Variants in IQCE observed in about 807,000 individuals in gnomAD.
IQCE encodes the protein IQ domain-containing protein E.
A neutral mutation model predicts 96.0 loss-of-function variants in IQCE; 115 were observed. That is an observed-to-expected ratio of 1.20 (90% CI 1.03 to 1.40). The LOEUF (loss-of-function observed/expected upper bound fraction) is 1.40. IQCE is among the 40% of genes most tolerant of loss of function. IQCE has a pLI of 0.00. For synonymous variants in IQCE, 412 were observed against 371.2 expected, an observed-to-expected ratio of 1.11 and a Z score of -1.26; for missense variants, 1,041 against 909.1, an observed-to-expected ratio of 1.15 and a Z score of -1.87.
chr7:2,563,658 GC>G (rs1781140343), intron 1 of IQCE, among the ~76,000 whole-genome samples: 1 of 151,966 alleles, frequency 6.6e-6, no homozygotes, highest in South Asian at 2.1e-4. Flanking sequence ...ACTTTCGGAG[GC>G]CGAGGCGGGC....
At chr7:2,596,368 A>G (rs573374612) in intron 16 of IQCE, among the ~76,000 whole-genome samples, 3 of 151,854 alleles carry the variant, frequency 2.0e-5, no homozygotes, top group Admixed American at 6.6e-5. Flanking sequence ...CTATTGAAAT[A>G]CAGCCTTTTC....
chr7:2,581,402 C>T (rs1782653428), intron 8 of IQCE, among the ~76,000 whole-genome samples: 1 of 151,966 alleles, frequency 6.6e-6, no homozygotes, highest in Non-Finnish European at 1.5e-5. Flanking sequence ...GATGGGGTTT[C>T]ACCATGTTGG....
intron 1 of IQCE, among the ~76,000 whole-genome samples, chr7:2,562,845 A>T: frequency 6.8e-6 from 1 of 146,294 alleles, no homozygotes; most frequent in Admixed American, 6.8e-5. Context: ...TTGCCTTGAG[A>T]TCTTTCTTTC....
At chr7:2,588,039 G>A (rs961881560) in intron 13 of IQCE, among the ~76,000 whole-genome samples, 162 bp downstream of exon 13, 5 of 152,238 alleles carry the variant, frequency 3.3e-5, no homozygotes, top group African/African-American at 4.8e-5. Context: ...TCTAGACAAC[G>A]CTGAAGGCAG....
At chr7:2,573,358 G>T in intron 5 of IQCE, 60 bp from the exon 6 acceptor site, 1 of 835,758 alleles carries the variant, frequency 1.2e-6, no homozygotes. Flanking sequence ...TTAAAGTATA[G>T]CCAAGAATTC....
intron 1 of IQCE, among the ~76,000 whole-genome samples, chr7:2,565,673 C>A (rs1781318892): frequency 6.6e-6 from 1 of 152,146 alleles, no homozygotes; most frequent in African/African-American, 2.4e-5. Context: ...GTGTCCAGTT[C>A]CCGGCCTGCC....
chr7:2,581,232 G>C (rs928158365), intron 8 of IQCE, among the ~76,000 whole-genome samples: 2 of 152,092 alleles, frequency 1.3e-5, no homozygotes, highest in African/African-American at 2.4e-5. Context: ...TTGAGACTGA[G>C]TCTGGCTCTG....
chr7:2,559,052 A>C lies in IQCE; in HGVS notation c.-130A>C. Reference sequence around the variant, plus strand: ...TGGGTAGGTCGGCGGCCTGGTTGCCATGGCAGCGGGGTCGCGGGCCGGCGC... The same window carrying C: ...TGGGTAGGTCGGCGGCCTGGTTGCCCTGGCAGCGGGGTCGCGGGCCGGCGC... On this transcript the variant is annotated 5_prime_UTR_variant, in exon 1 of 22. An upstream start codon of the reference 5' UTR is lost. Transcript: ENST00000402050. 1 of 449,172 alleles carries C rather than the reference A, an allele frequency of 2.2e-6. No individual in the cohort carries two copies. The allele number at this position is 449,172 out of a possible 1,614,324, so 27.8% of individuals were successfully genotyped here.
intron 11 of IQCE, 144 bp from the exon 12 acceptor site, chr7:2,586,064 T>C: frequency 3.0e-6 from 2 of 675,508 alleles, no homozygotes; most frequent in South Asian, 4.0e-5. Context: ...TATTACTGCC[T>C]ATTCGATTTC....
At chr7:2,607,584 ACAGT>A (rs1172988251) in intron 21 of IQCE, 6 of 1,214,544 alleles carry the variant, frequency 4.9e-6, no homozygotes, top group East Asian at 7.1e-5. Flanking sequence ...AAGTCCAAAA[ACAGT>A]CAGTGAAGAA....
chr7:2,602,763 C>A (rs1024692719), intron 18 of IQCE, among the ~76,000 whole-genome samples: 2 of 152,254 alleles, frequency 1.3e-5, no homozygotes, highest in Non-Finnish European at 2.9e-5. Flanking sequence ...ACAGACCAGC[C>A]AGACACTGTC....
chr7:2,567,068 A>AGCCCAGCAGGT (rs1781428771), intron 1 of IQCE, 48 bp from the exon 2 acceptor site: 1 of 1,537,892 alleles, frequency 6.5e-7, no homozygotes, highest in Admixed American at 1.7e-5. Context: ...GATGGTCGGA[A>AGCCCAGCAGGT]GCCCAGCAGG....
chr7:2,609,892 C>G (rs1053091217), intron 21 of IQCE, 152 bp from the exon 22 acceptor site: 2 of 594,566 alleles, frequency 3.4e-6, no homozygotes, highest in South Asian at 4.0e-5. Flanking sequence ...GTGTGAGTTG[C>G]TCCTGAGGGC....
At position 2,598,588 on chromosome 7, in the gene IQCE, G is replaced by T; in HGVS notation, c.1564G>T (p.Ala522Ser). 1 of 1,601,970 alleles carries T rather than the reference G, an allele frequency of 6.2e-7. No homozygotes were observed. Among genetic ancestry groups the T allele is most frequent in the South Asian group, 1.1e-5 (1 of 89,648 alleles). ...CTGCTCTGATGGGAGAAGAGACGCCGCGGCCAGAGTCCTGCAGGCCCAGTG... is the reference window on the plus strand; with the variant it reads ...CTGCTCTGATGGGAGAAGAGACGCCTCGGCCAGAGTCCTGCAGGCCCAGTG... The part of the protein sequence containing the change: ...SPCSDGRRDA[A>S]ARVLQAQWKV... Residue 522 changes from alanine to serine, a missense_variant, in exon 17 of 22, where the codon GCG (alanine) becomes TCG (serine). Physicochemically the swap from Ala to Ser is moderately conservative, Grantham distance 99. Transcript: ENST00000402050.
chr7:2,571,488 T>A, intron 3 of IQCE, 38 bp from the exon 4 acceptor site: 1 of 1,603,500 alleles, frequency 6.2e-7, no homozygotes, highest in Non-Finnish European at 8.5e-7. Context: ...CACATGTTGC[T>A]GTCCGGCACC....
intron 2 of IQCE, 104 bp downstream of exon 2, chr7:2,567,267 C>T (rs1202017147): frequency 1.9e-5 from 17 of 895,494 alleles, no homozygotes; most frequent in African/African-American, 6.5e-5. Flanking sequence ...AATACTGTGT[C>T]GAGAGCTGGA....
intron 11 of IQCE, chr7:2,584,500 C>T (rs756181369): frequency 4.6e-4 from 267 of 580,392 alleles, no homozygotes; most frequent in Admixed American, 1.3e-3. Context: ...TGATGGCCAA[C>T]GCGTGTTCAA....
chr7:2,575,740 A>G (rs974261228), intron 6 of IQCE, among the ~76,000 whole-genome samples: 1 of 152,004 alleles, frequency 6.6e-6, no homozygotes, highest in South Asian at 2.1e-4. Flanking sequence ...GTGGGTTTTT[A>G]TGGTCTGCAC....
chr7:2,560,760 A>G (rs942522358), intron 1 of IQCE, among the ~76,000 whole-genome samples: 2 of 151,894 alleles, frequency 1.3e-5, no homozygotes, highest in African/African-American at 2.4e-5. Flanking sequence ...GATCGAGACC[A>G]TGCTGGCTAA....
Sources: allele counts gnomAD v4.1 joint callset (sites outside exome capture counted in the v4.1 genomes callset), GRCh38; gene constraint gnomAD v4.1.1; transcripts MANE v1.5; gene names NCBI Gene and HGNC (gene_info 2026-07-23, HGNC 2026-07-21).